The following PLCL2 variants were observed in gnomAD, a reference collection of about 807,000 sequenced individuals.
PLCL2 encodes the protein phospholipase C like 2.
Under a neutral mutation model 79.6 loss-of-function variants are expected in PLCL2, and 4 were observed. The observed-to-expected ratio is 0.05, with a 90% CI of 0.02 to 0.11. The LOEUF is 0.11. Among genes scored for constraint, PLCL2 ranks in the 10% least tolerant of loss-of-function variants. The pLI, the probability that PLCL2 is intolerant of heterozygous loss-of-function variation, is 1.00. For missense variants in PLCL2, 895 were observed against 1,291.0 expected, an observed-to-expected ratio of 0.69 and a Z score of 4.70; for synonymous variants, 484 against 457.7, an observed-to-expected ratio of 1.06 and a Z score of -0.73.
At position 17,059,250 on chromosome 3, in the gene PLCL2, G is replaced by A. The variant is rs376124916; in HGVS notation, c.3095-8706G>A. Among the ~76,000 whole-genome samples the A allele has an allele frequency of 5.3e-5, 8 of 151,898 alleles. No individual in the cohort carries two copies. The East Asian group carries it at 7.7e-4, about 15-fold the overall frequency. ...ATTCAAAAATCAACTGTGACAGCACGTGCCTGTAGTCCAAGCTACTAGGGA... is the reference window on the plus strand; with the variant it reads ...ATTCAAAAATCAACTGTGACAGCACATGCCTGTAGTCCAAGCTACTAGGGA... On this transcript the variant is annotated intron_variant, in intron 4 of 5. Coordinates refer to ENST00000615277, the MANE Select transcript of PLCL2 (RefSeq NM_001144382.2).
intron 1 of PLCL2, among the ~76,000 whole-genome samples, chr3:16,901,928 A>G (rs572889406): frequency 2.0e-5 from 3 of 152,264 alleles, no homozygotes; most frequent in South Asian, 2.1e-4. Flanking sequence ...CACACAGTGA[A>G]TAGGTCTCCT....
At chr3:16,899,247 C>T (rs78184402) in intron 1 of PLCL2, among the ~76,000 whole-genome samples, 3,601 of 152,256 alleles carry the variant, frequency 0.024, 79 homozygotes, top group African/African-American at 0.053. Context: ...ATGGATGGAG[C>T]GTCTCAGCAG....
intron 1 of PLCL2, among the ~76,000 whole-genome samples, chr3:16,927,848 A>C (rs1042443923): frequency 3.3e-5 from 5 of 152,238 alleles, no homozygotes; most frequent in Non-Finnish European, 5.9e-5. Context: ...TTGTCAAATA[A>C]GTTTGGGAAA....
At chr3:16,897,918 G>T (rs2124918287) in intron 1 of PLCL2, among the ~76,000 whole-genome samples, 1 of 152,320 alleles carries the variant, frequency 6.6e-6, no homozygotes, top group East Asian at 1.9e-4. Flanking sequence ...TATGCAGTGT[G>T]TACTCATTTT....
intron 1 of PLCL2, among the ~76,000 whole-genome samples, chr3:16,930,336 T>G (rs1697362829): frequency 6.6e-6 from 1 of 152,184 alleles, no homozygotes; most frequent in Admixed American, 6.5e-5. Context: ...TAAATACTTG[T>G]GGCTGAGAGA....
At chr3:17,045,475 G>T (rs539733920) in intron 4 of PLCL2, among the ~76,000 whole-genome samples, 8 of 152,220 alleles carry the variant, frequency 5.3e-5, no homozygotes, top group African/African-American at 1.7e-4. Flanking sequence ...GGCAGGAGAG[G>T]AATGCTGAGA....
At chr3:17,017,561 T>C (rs1463129512) in intron 3 of PLCL2, among the ~76,000 whole-genome samples, 1 of 152,206 alleles carries the variant, frequency 6.6e-6, no homozygotes, top group Admixed American at 6.5e-5. Context: ...TATAGCTCTT[T>C]ATTTTTGTAA....
chr3:17,006,048 C>T (rs184432166), intron 1 of PLCL2, among the ~76,000 whole-genome samples: 195 of 152,292 alleles, frequency 1.3e-3, no homozygotes, highest in Middle Eastern at 6.8e-3. Context: ...ATGGTTAATG[C>T]ATGTGAGTAT....
At chr3:16,897,531 A>G (rs1166486652) in intron 1 of PLCL2, among the ~76,000 whole-genome samples, 1 of 152,208 alleles carries the variant, frequency 6.6e-6, no homozygotes, top group Non-Finnish European at 1.5e-5. Flanking sequence ...CACTAGCACT[A>G]TTTCTAGAGA....
At chr3:17,035,845 C>T in intron 3 of PLCL2, 4 of 499,858 alleles carry the variant, frequency 8.0e-6, no homozygotes, top group Non-Finnish European at 1.6e-5. Flanking sequence ...CACATCATGC[C>T]TGCAGCGGGG....
chr3:16,933,642 T>C (rs1479528241), intron 1 of PLCL2, among the ~76,000 whole-genome samples: 1 of 152,164 alleles, frequency 6.6e-6, no homozygotes, highest in Non-Finnish European at 1.5e-5. Flanking sequence ...TTTTTAACCT[T>C]ACACTATTTC....
At position 16,935,073 on chromosome 3, in the gene PLCL2, G is replaced by GTAT. The variant is rs566985666; in HGVS notation, c.327+49711_327+49713dup. Among the ~76,000 whole-genome samples, 50 of 152,310 alleles carry GTAT rather than the reference G, an allele frequency of 3.3e-4. No individual in the cohort carries two copies. The South Asian group carries it at 0.01, about 32-fold the overall frequency. ...AGGGCACTAGCTTCAGCCTCACTGA[G>GTAT]TATTATCGCTTTGAATTGACACCAA... On this transcript the variant is annotated intron_variant, in intron 1 of 5. Coordinates refer to ENST00000615277, the MANE Select transcript of PLCL2 (RefSeq NM_001144382.2).
At chr3:16,938,465 G>A (rs1365886276) in intron 1 of PLCL2, among the ~76,000 whole-genome samples, 1 of 152,184 alleles carries the variant, frequency 6.6e-6, no homozygotes, top group Non-Finnish European at 1.5e-5. Flanking sequence ...TGCGGTGGGA[G>A]TTGACTGGAT....
intron 4 of PLCL2, among the ~76,000 whole-genome samples, chr3:17,051,285 T>C (rs2064836069): frequency 6.6e-6 from 1 of 152,108 alleles, no homozygotes; most frequent in East Asian, 1.9e-4. Flanking sequence ...TTATTGTACA[T>C]TTTAAAACAA....
At chr3:17,044,584 C>T (rs1039853284) in intron 4 of PLCL2, among the ~76,000 whole-genome samples, 1 of 152,150 alleles carries the variant, frequency 6.6e-6, no homozygotes, top group African/African-American at 2.4e-5. Context: ...GATTATATAT[C>T]AAGCTGCTCT....
Position 17,009,825 on chromosome 3 carries a change from A to T in PLCL2, c.479A>T (p.His160Leu), listed in dbSNP as rs200484259. 108 of 1,613,728 alleles carry T rather than the reference A, an allele frequency of 6.7e-5. No homozygotes were observed. Among genetic ancestry groups the T allele is most frequent in the Non-Finnish European group, 8.8e-5 (104 of 1,179,738 alleles). The change falls in exon 2 of 6, where the codon CAT becomes CTT. Residue 160 changes from histidine (H) to leucine (L), a missense_variant. Transcript: ENST00000615277. This position sits in a 1 kb window ranked among gnomAD's most constrained non-coding sequence, Gnocchi z 4.0. ...KKVRSNSRIYHRYFLLDADMQ... is the reference protein window; with the variant it reads ...KKVRSNSRIYLRYFLLDADMQ... ...GTTCGCTCCAACTCTAGAATTTATC[A>T]TAGGTACTTTTTACTGGATGCTGAC... is the stretch of plus-strand genomic sequence containing the variant.
At chr3:16,893,336 T>C (rs1696395134) in intron 1 of PLCL2, among the ~76,000 whole-genome samples, 1 of 152,232 alleles carries the variant, frequency 6.6e-6, no homozygotes, top group South Asian at 2.1e-4. Context: ...ATGGTTTGTT[T>C]TTTTAGGTGG....
chr3:17,081,397 C>G (rs1347343608), intron 5 of PLCL2: 1 of 362,016 alleles, frequency 2.8e-6, no homozygotes, highest in Non-Finnish European at 5.5e-6. Flanking sequence ...GAAGTCTTAG[C>G]TGCCGCACTG....
In PLCL2 at chr3:17,012,154, C is replaced by G. The variant is rs1288665628; in HGVS notation, c.2808C>G (p.Asn936Lys). The G allele has an allele frequency of 1.9e-6, 3 of 1,607,878 alleles. No individual in the cohort carries two copies. The highest frequency in any genetic ancestry group is 2.6e-6 in the Non-Finnish European group (3 of 1,175,742). Reference protein sequence around the residue: ...PIRDATDLRENMQNAVVSFKE... With the variant: ...PIRDATDLREKMQNAVVSFKE... ...GGGATGCCACAGATCTGAGAGAAAA[C>G]ATGCAGGTGCGTGCTTGTGTTTAAT... is the stretch of plus-strand genomic sequence containing the variant. The change falls in exon 2 of 6, where the codon AAC becomes AAG. Residue 936 changes from asparagine (N) to lysine (K), a missense_variant. Asn to Lys is a moderately conservative substitution (Grantham distance 94, BLOSUM62 0). Around this residue, in one of 6 missense-constraint regions of PLCL2, gnomAD observed 298 missense variants for 459.6 expected, o/e 0.65. Coordinates refer to ENST00000615277, the MANE Select transcript of PLCL2 (RefSeq NM_001144382.2).
Sources: allele counts gnomAD v4.1 joint callset (sites outside exome capture counted in the v4.1 genomes callset), GRCh38; gene constraint gnomAD v4.1.1; regional missense constraint gnomAD v4.1.1; non-coding constraint Gnocchi (gnomAD v3.1); transcripts MANE v1.5; gene names NCBI Gene and HGNC (gene_info 2026-07-23, HGNC 2026-07-21).